IGDCC4: variants seen among roughly 807,000 people sequenced by gnomAD.
IGDCC4 encodes the protein immunoglobulin superfamily DCC subclass member 4.
IGDCC4 carries 72 observed loss-of-function variants against 116.6 expected under a neutral mutation model. The observed-to-expected ratio is 0.62, with a 90% CI of 0.51 to 0.75. IGDCC4 has a LOEUF of 0.75. Ranked by LOEUF, IGDCC4 falls within the 30% of genes least tolerant of loss-of-function variation. IGDCC4 has a pLI of 0.00. For missense variants in IGDCC4, 1,501 were observed against 1,662.4 expected, an observed-to-expected ratio of 0.90 and a Z score of 1.69; for synonymous variants, 709 against 719.9, an observed-to-expected ratio of 0.98 and a Z score of 0.24.
In IGDCC4 at chr15:65,384,840, C is replaced by T. The variant is rs115340115; in HGVS notation, c.3342+114G>A. 2.4e-3 allele frequency: 3,356 copies of T among 1,384,346 alleles called. 64 individuals carry two copies. In the African/African-American group the frequency reaches 0.04, roughly 17 times the overall value. The allele number at this position is 1,384,346 out of a possible 1,614,324, so 85.8% of individuals were successfully genotyped here. A position where few individuals can be genotyped will look rare whatever the true frequency, so the allele number is the denominator to read the frequency against. On this transcript the variant is annotated intron_variant, in intron 19 of 19. Coordinates refer to ENST00000352385, the MANE Select transcript of IGDCC4 (RefSeq NM_020962.3). The surrounding 1 kb of genome is among the most constrained non-coding windows in gnomAD (Gnocchi z 4.9). ...AGGCTCCAGGGGTCTCCTGGCTAGA[C>T]TTCTATCCCCAGGAAAGTTACCACC...
intron 10 of IGDCC4, 70 bp from the exon 11 acceptor site, chr15:65,392,440 A>G: frequency 8.2e-7 from 1 of 1,224,490 alleles, no homozygotes; most frequent in South Asian, 1.6e-5. Context: ...GAGGCCAGGG[A>G]TAGGAGACAG....
At position 65,383,978 on chromosome 15, in the gene IGDCC4, G is replaced by A. The variant is rs1164259350; in HGVS notation, c.*31C>T. On this transcript the variant is annotated 3_prime_UTR_variant, in exon 20 of 20. Transcript: ENST00000352385. The stretch of plus-strand genomic sequence containing the variant: ...ATCGCATCCTATGTGATCCATACCT[G>A]CCTGCCCCAAACCACATCCTCTGGG... 8 of 1,537,074 alleles carry A rather than the reference G, an allele frequency of 5.2e-6. No homozygotes were observed. In the Admixed American group the frequency reaches 1.4e-4, roughly 26 times the overall value.
intron 1 of IGDCC4, among the ~76,000 whole-genome samples, chr15:65,414,879 T>G (rs1374607935): frequency 6.6e-6 from 1 of 152,228 alleles, no homozygotes; most frequent in African/African-American, 2.4e-5. Flanking sequence ...TGACCTCAAG[T>G]GATCTGCCTG....
At chr15:65,390,640 T>G (rs1172766259) in intron 12 of IGDCC4, among the ~76,000 whole-genome samples, 2 of 152,216 alleles carry the variant, frequency 1.3e-5, no homozygotes, top group African/African-American at 4.8e-5. Flanking sequence ...CTCTGACACT[T>G]ACTAGCTGTG....
chr15:65,412,511 CAAAAAAA>C (rs3082805), intron 1 of IGDCC4, among the ~76,000 whole-genome samples: 4 of 16,720 alleles, frequency 2.4e-4, no homozygotes, highest in Non-Finnish European at 4.7e-4. Context: ...GATTCCATCT[CAAAAAAA>C]AAAAAAAAAA....
At chr15:65,396,266 C>T (rs1057297727) in intron 6 of IGDCC4, 103 bp from the exon 7 acceptor site, 86 of 1,267,688 alleles carry the variant, frequency 6.8e-5, no homozygotes, top group Non-Finnish European at 8.7e-5. Context: ...CCCTCGCTCC[C>T]CTTCCAATCA....
chr15:65,387,739 A>C (rs916051562), intron 16 of IGDCC4, among the ~76,000 whole-genome samples: 9 of 151,598 alleles, frequency 5.9e-5, no homozygotes, highest in African/African-American at 1.9e-4. Flanking sequence ...CCTGCTGTCC[A>C]CCTCCACACC....
chr15:65,383,886 T>G lies in IGDCC4; in HGVS notation c.*123A>C. ...TTCCTCTCCCCTCAGCCAAAGCAAC[T>G]TAGGAAGCTCCAAAGGGCTTGATGA... On this transcript the variant is annotated 3_prime_UTR_variant, in exon 20 of 20. Transcript: ENST00000352385. 1.1e-6 allele frequency: 1 copy of G among 932,298 alleles called. No individual in the cohort carries two copies. Among genetic ancestry groups the G allele is most frequent in the Non-Finnish European group, 1.5e-6 (1 of 650,018 alleles). 57.8% of individuals were successfully genotyped at this position (932,298 alleles called of 1,614,324 possible). A position where few individuals can be genotyped will look rare whatever the true frequency, so the allele number is the denominator to read the frequency against.
chr15:65,409,582 G>A lies in IGDCC4; in HGVS notation c.563+596C>T, dbSNP rs77757356. On this transcript the variant is annotated intron_variant, in intron 3 of 19. Transcript: ENST00000352385. ...AGCCACAAGAGGGACCAAGTCCAAG[G>A]TCTAGCCTCTGCTTCCCTTCCGCCT... Among the ~76,000 whole-genome samples, 841 of 152,302 alleles carry A rather than the reference G, an allele frequency of 5.5e-3. 4 individuals carry two copies. Among genetic ancestry groups the A allele is most frequent in the African/African-American group, 0.02 (815 of 41,556 alleles).
At chr15:65,420,006 G>C (rs1430936854) in intron 1 of IGDCC4, among the ~76,000 whole-genome samples, 1 of 152,088 alleles carries the variant, frequency 6.6e-6, no homozygotes, top group Non-Finnish European at 1.5e-5. Context: ...GAGTGCAGTG[G>C]CGTGATCTCA....
intron 1 of IGDCC4, among the ~76,000 whole-genome samples, chr15:65,416,372 C>T (rs1339726362): frequency 1.3e-5 from 2 of 151,950 alleles, no homozygotes; most frequent in South Asian, 2.1e-4. Context: ...CTCCTGACTT[C>T]GTGATCCGCC....
intron 1 of IGDCC4, among the ~76,000 whole-genome samples, chr15:65,417,657 A>T (rs139697054): frequency 2.0e-5 from 3 of 152,096 alleles, no homozygotes; most frequent in Admixed American, 1.3e-4. Flanking sequence ...GTGCAGTGGC[A>T]TGATCTCGGC....
At chr15:65,405,881 T>C (rs1014547782) in intron 3 of IGDCC4, among the ~76,000 whole-genome samples, 1 of 152,244 alleles carries the variant, frequency 6.6e-6, no homozygotes, top group African/African-American at 2.4e-5. Context: ...CTGCTGCTCC[T>C]ACCCACAAAA....
chr15:65,388,967 G>T lies in IGDCC4; in HGVS notation c.2548C>A (p.Pro850Thr). The T allele has an allele frequency of 6.3e-7, 1 of 1,599,214 alleles. No homozygotes were observed. ...GGGCTCAGTCGCAGGTCGGATGGGGGTGTGGAGGGCCCTGGGGTGCGGGAG... is the reference window on the plus strand; with the variant it reads ...GGGCTCAGTCGCAGGTCGGATGGGGTTGTGGAGGGCCCTGGGGTGCGGGAG... ...RSTLPDRPST[P>T]PSDLRLSPLT... The change falls in exon 15 of 20, where the codon CCC becomes ACC. Residue 850 changes from proline (P) to threonine (T), a missense_variant. Transcript: ENST00000352385.
intron 16 of IGDCC4, 137 bp from the exon 17 acceptor site, chr15:65,386,793 A>C: frequency 1.5e-6 from 1 of 652,942 alleles, no homozygotes; most frequent in South Asian, 1.9e-5. Context: ...TTCTGATACA[A>C]GGACAGGAGG....
chr15:65,402,848 CA>C (rs1298873440), intron 3 of IGDCC4, among the ~76,000 whole-genome samples: 1 of 152,158 alleles, frequency 6.6e-6, no homozygotes, highest in African/African-American at 2.4e-5. Context: ...GCCTGGGCGA[CA>C]ACAGCAAAAC....
intron 3 of IGDCC4, among the ~76,000 whole-genome samples, chr15:65,406,718 C>A (rs1428324151): frequency 1.3e-5 from 2 of 152,204 alleles, no homozygotes; most frequent in African/African-American, 4.8e-5. Context: ...TCCCCCCACA[C>A]AATGTGCCGG....
intron 11 of IGDCC4, 76 bp downstream of exon 11, chr15:65,392,058 C>T: frequency 6.5e-7 from 1 of 1,547,870 alleles, no homozygotes; most frequent in East Asian, 2.3e-5. Context: ...CATCCCATCT[C>T]TAACTTCTTC....
rs763870347 is a variant in IGDCC4, at chr15:65,411,126, G to T, written c.315C>A (p.Asp105Glu). Residue 105 changes from aspartate to glutamate, a missense_variant, in exon 2 of 20, where the codon GAC becomes GAA. Physicochemically the swap from Asp to Glu is conservative, Grantham distance 45. Around this residue, in one of 3 missense-constraint regions of IGDCC4, gnomAD observed 898 missense variants for 978.9 expected, o/e 0.92. Coordinates refer to ENST00000352385, the MANE Select transcript of IGDCC4 (RefSeq NM_020962.3). ...LSQPLAPNGSDESVPEAVGVI... is the reference protein window; with the variant it reads ...LSQPLAPNGSEESVPEAVGVI... ...CCCCCACAGCCTCAGGGACTGACTC[G>T]TCACTGCCATTGGGTGCTAGTGGCT... 1 of 1,614,174 alleles carries T rather than the reference G, an allele frequency of 6.2e-7. No homozygotes were observed. Among genetic ancestry groups the T allele is most frequent in the Non-Finnish European group, 8.5e-7 (1 of 1,180,036 alleles).
Sources: gnomAD v4.1 joint callset for allele counts (sites outside exome capture counted in the v4.1 genomes callset) on GRCh38, gnomAD v4.1.1 for gene constraint, gnomAD v4.1.1 regional missense constraint, Gnocchi (gnomAD v3.1) non-coding constraint, MANE v1.5 for transcripts, NCBI Gene and HGNC (gene_info 2026-07-23, HGNC 2026-07-21) for gene names.